Variants in NLGN1 observed in about 807,000 individuals in gnomAD.
The protein encoded by NLGN1 is neuroligin-1.
NLGN1 carries 12 observed loss-of-function variants against 65.5 expected under a neutral mutation model. The observed-to-expected ratio is 0.18, with a 90% CI of 0.12 to 0.30. The LOEUF is 0.30. NLGN1 is among the 10% of genes least tolerant of loss of function. NLGN1 has a pLI of 1.00. For synonymous variants in NLGN1, 350 were observed against 359.5 expected, an observed-to-expected ratio of 0.97 and a Z score of 0.30; for missense variants, 750 against 1,007.1, an observed-to-expected ratio of 0.74 and a Z score of 3.46.
chr3:173,951,706 A>G (rs535769099), intron 4 of NLGN1, among the ~76,000 whole-genome samples: 174 of 151,896 alleles, frequency 1.1e-3, no homozygotes, highest in Admixed American at 3.0e-3. Flanking sequence ...CGTGTTCTGC[A>G]CACCTCGACC....
At chr3:173,993,367 C>A (rs971950694) in intron 4 of NLGN1, among the ~76,000 whole-genome samples, 1 of 152,144 alleles carries the variant, frequency 6.6e-6, no homozygotes, top group African/African-American at 2.4e-5. Flanking sequence ...CTAAATAGTG[C>A]ATTTTCGGCT....
At chr3:173,876,819 A>G (rs1732198983) in intron 4 of NLGN1, among the ~76,000 whole-genome samples, 2 of 152,194 alleles carry the variant, frequency 1.3e-5, no homozygotes, top group Admixed American at 6.5e-5. Flanking sequence ...ATAAATATCT[A>G]TGAATACATA....
At chr3:173,671,298 G>A (rs1389600438) in intron 3 of NLGN1, among the ~76,000 whole-genome samples, 5 of 152,064 alleles carry the variant, frequency 3.3e-5, no homozygotes, top group African/African-American at 1.2e-4. Flanking sequence ...CCAGGAGTTC[G>A]AGACCAGTCT....
chr3:173,787,107 A>G (rs531013903), intron 3 of NLGN1, among the ~76,000 whole-genome samples: 5 of 151,882 alleles, frequency 3.3e-5, no homozygotes, highest in Admixed American at 3.3e-4. Flanking sequence ...AAGATATTGG[A>G]GTGATTATTC....
At chr3:174,246,163 T>C (rs186696646) in intron 4 of NLGN1, among the ~76,000 whole-genome samples, 7 of 152,310 alleles carry the variant, frequency 4.6e-5, no homozygotes, top group African/African-American at 1.7e-4. Flanking sequence ...TTGCTGAGGC[T>C]AGAAGAAAGC....
chr3:173,539,785 TG>T (rs1453019881), intron 2 of NLGN1, among the ~76,000 whole-genome samples: 3 of 100,304 alleles, frequency 3.0e-5, no homozygotes, highest in Admixed American at 1.1e-4. Context: ...CACATATATA[TG>T]TACATATATA....
At chr3:173,831,491 C>A (rs969574331) in intron 4 of NLGN1, among the ~76,000 whole-genome samples, 7 of 152,182 alleles carry the variant, frequency 4.6e-5, no homozygotes, top group Non-Finnish European at 7.3e-5. Flanking sequence ...ATGACAAACA[C>A]TGGTGCATTG....
intron 3 of NLGN1, among the ~76,000 whole-genome samples, chr3:173,651,941 C>T (rs1352688155): frequency 1.3e-5 from 2 of 152,014 alleles, no homozygotes; most frequent in African/African-American, 2.4e-5. Flanking sequence ...TACAGGCACA[C>T]ACCACCATGC....
At chr3:174,267,299 C>A (rs945997770) in intron 4 of NLGN1, among the ~76,000 whole-genome samples, 1 of 152,126 alleles carries the variant, frequency 6.6e-6, no homozygotes, top group Admixed American at 6.6e-5. Context: ...CAAAGAGGAA[C>A]CATTGTGTCA....
At chr3:174,274,874 G>C (rs1432520067) in intron 4 of NLGN1, among the ~76,000 whole-genome samples, 4 of 151,744 alleles carry the variant, frequency 2.6e-5, no homozygotes, top group African/African-American at 4.8e-5. Context: ...TGTCCATCCT[G>C]CCATTCTGCC....
chr3:173,900,011 A>G (rs1737043831), intron 4 of NLGN1, among the ~76,000 whole-genome samples: 1 of 152,072 alleles, frequency 6.6e-6, no homozygotes, highest in Non-Finnish European at 1.5e-5. Context: ...TTTTCCTTTC[A>G]ATCATCTCCA....
At chr3:174,267,357 C>A (rs1308762873) in intron 4 of NLGN1, among the ~76,000 whole-genome samples, 2 of 152,112 alleles carry the variant, frequency 1.3e-5, no homozygotes, top group Non-Finnish European at 2.9e-5. Context: ...TTCCATGACC[C>A]AAACTCCTCC....
At chr3:174,012,544 C>A (rs965768689) in intron 4 of NLGN1, among the ~76,000 whole-genome samples, 1 of 152,258 alleles carries the variant, frequency 6.6e-6, no homozygotes, top group East Asian at 1.9e-4. Context: ...ACCTATTACC[C>A]AGTCCACATC....
At chr3:173,560,174 G>A (rs932397910) in intron 2 of NLGN1, among the ~76,000 whole-genome samples, 24 of 151,938 alleles carry the variant, frequency 1.6e-4, no homozygotes, top group African/African-American at 4.3e-4. Context: ...CTCGTGATCC[G>A]CCCGCCTCGG....
At chr3:173,999,974 T>A (rs757418837) in intron 4 of NLGN1, among the ~76,000 whole-genome samples, 2 of 152,082 alleles carry the variant, frequency 1.3e-5, no homozygotes, top group African/African-American at 4.8e-5. Flanking sequence ...CAGGTTTTTT[T>A]TTTTCTGGTA....
intron 4 of NLGN1, among the ~76,000 whole-genome samples, chr3:174,083,208 A>T (rs1742595473): frequency 6.6e-6 from 1 of 152,152 alleles, no homozygotes; most frequent in Non-Finnish European, 1.5e-5. Context: ...GTAGGGAAAT[A>T]ATCCTGTAGA....
chr3:174,158,230 G>A (rs1331686685), intron 4 of NLGN1, among the ~76,000 whole-genome samples: 3 of 151,680 alleles, frequency 2.0e-5, no homozygotes, highest in Non-Finnish European at 4.4e-5. Flanking sequence ...AATTTCACAC[G>A]TTTCTCAAAT....
chr3:174,290,701 T>C (rs1752670361), downstream of NLGN1, among the ~76,000 whole-genome samples: 1 of 151,114 alleles, frequency 6.6e-6, no homozygotes, highest in East Asian at 1.9e-4. Context: ...AGAAAATTCC[T>C]GTAGTTTAAA....
At chr3:174,122,594 A>G (rs951413937) in intron 4 of NLGN1, among the ~76,000 whole-genome samples, 4 of 152,158 alleles carry the variant, frequency 2.6e-5, no homozygotes, top group Admixed American at 2.6e-4. Context: ...AGGGAGAAGG[A>G]AAAAATGCAG....
Sources: gnomAD v4.1 joint callset for allele counts (sites outside exome capture counted in the v4.1 genomes callset) on GRCh38, gnomAD v4.1.1 for gene constraint, MANE v1.5 for transcripts, NCBI Gene and HGNC (gene_info 2026-07-23, HGNC 2026-07-21) for gene names.